HTR4: variants seen among roughly 807,000 people sequenced by gnomAD.
HTR4 encodes 5-hydroxytryptamine receptor 4.
A neutral mutation model predicts 36.8 loss-of-function variants in HTR4; 16 were observed. The observed-to-expected ratio is 0.43, with a 90% CI of 0.29 to 0.66. The LOEUF is 0.66. HTR4 is among the 30% of genes least tolerant of loss of function. The probability of loss-of-function intolerance (pLI) is 0.13; values close to 1 mark genes in which losing one functional copy is unlikely to be tolerated. For synonymous variants in HTR4, 189 were observed against 185.1 expected (o/e 1.02, Z -0.17); for missense variants, 438 against 490.9 (o/e 0.89, Z 1.02).
At chr5:148,618,790 A>G (rs998290116) in intron 2 of HTR4, among the ~76,000 whole-genome samples, 1 of 152,244 alleles carries the variant, frequency 6.6e-6, no homozygotes, top group African/African-American at 2.4e-5. Context: ...GTCTTCATTC[A>G]AGAAATGGAT....
chr5:148,548,535 A>G (rs1759501183), intron 4 of HTR4, 133 bp downstream of exon 4: 5 of 790,578 alleles, frequency 6.3e-6, no homozygotes, highest in Non-Finnish European at 1.0e-5. Flanking sequence ...GAATGACTGT[A>G]TAACTGAATT....
chr5:148,624,435 G>C (rs1361808062), intron 2 of HTR4, among the ~76,000 whole-genome samples: 1 of 152,154 alleles, frequency 6.6e-6, no homozygotes, highest in Non-Finnish European at 1.5e-5. Context: ...GTGAAGAGTT[G>C]AGCTCAGCAC....
chr5:148,651,886 T>A (rs1316987101), intron 1 of HTR4, among the ~76,000 whole-genome samples: 2 of 152,098 alleles, frequency 1.3e-5, no homozygotes, highest in South Asian at 2.1e-4. Flanking sequence ...AGAACATCAG[T>A]GGCAATCAGA....
intron 2 of HTR4, among the ~76,000 whole-genome samples, chr5:148,561,787 G>T (rs1760224454): frequency 6.6e-6 from 1 of 152,070 alleles, no homozygotes; most frequent in Non-Finnish European, 1.5e-5. Context: ...AAAAAATGTG[G>T]ACCACATATG....
intron 6 of HTR4, among the ~76,000 whole-genome samples, chr5:148,494,986 C>A (rs1427546898): frequency 3.9e-5 from 6 of 152,132 alleles, no homozygotes; most frequent in Non-Finnish European, 8.8e-5. Flanking sequence ...AGCCAAGAAC[C>A]AAGTTAGATA....
chr5:148,560,352 T>C (rs970260751), intron 2 of HTR4, among the ~76,000 whole-genome samples: 1 of 152,158 alleles, frequency 6.6e-6, no homozygotes, highest in South Asian at 2.1e-4. Context: ...CACAGACTGC[T>C]GAACCCACCC....
At chr5:148,616,080 G>A (rs1010772549) in intron 2 of HTR4, among the ~76,000 whole-genome samples, 5 of 152,162 alleles carry the variant, frequency 3.3e-5, no homozygotes, top group South Asian at 4.1e-4. Context: ...CAAGGGCCAC[G>A]TATTAGCTCA....
chr5:148,523,108 C>T, intron 5 of HTR4, 85 bp downstream of exon 5: 1 of 1,239,328 alleles, frequency 8.1e-7, no homozygotes, highest in Non-Finnish European at 1.1e-6. Context: ...TCTTAGAATA[C>T]TCAATCTAAT....
chr5:148,460,647 G>A (rs1301583480), intron 5 of HTR4, among the ~76,000 whole-genome samples: 1 of 152,032 alleles, frequency 6.6e-6, no homozygotes, highest in East Asian at 1.9e-4. Context: ...AATCTTCACA[G>A]ACATTATTTA....
rs767880023 is a variant in HTR4, at chr5:148,484,281, G to T, written c.1077-988C>A. On this transcript the variant is annotated intron_variant, in intron 6 of 6. Transcript: ENST00000377888. ...TTACCCCAAGACAGGCTTCCTTGCA[G>T]TCAAACATCTAATGCTCAATGTGCC... The T allele has an allele frequency of 4.3e-6, 7 of 1,613,616 alleles. No homozygotes were observed. In the Admixed American group the frequency reaches 8.3e-5, roughly 19 times the overall value.
intron 2 of HTR4, among the ~76,000 whole-genome samples, chr5:148,612,143 C>A (rs1207471453): frequency 6.6e-6 from 1 of 152,090 alleles, no homozygotes; most frequent in African/African-American, 2.4e-5. Flanking sequence ...AACAAGGATA[C>A]CCAGGAATTA....
At chr5:148,502,024 C>T (rs1383268305) in intron 6 of HTR4, among the ~76,000 whole-genome samples, 1 of 151,198 alleles carries the variant, frequency 6.6e-6, no homozygotes, top group African/African-American at 2.4e-5. Flanking sequence ...CACACCATTG[C>T]ACTCCAGCCT....
chr5:148,608,597 T>C (rs1490740108), intron 2 of HTR4, among the ~76,000 whole-genome samples: 1 of 152,180 alleles, frequency 6.6e-6, no homozygotes, highest in Admixed American at 6.5e-5. Flanking sequence ...TGTTAAAAAG[T>C]CTGGATTTTA....
intron 6 of HTR4, among the ~76,000 whole-genome samples, chr5:148,498,530 A>G (rs564593580): frequency 6.6e-6 from 1 of 152,316 alleles, no homozygotes; most frequent in South Asian, 2.1e-4. Flanking sequence ...TAGAGACTAT[A>G]CAGTTCCTAG....
intron 2 of HTR4, among the ~76,000 whole-genome samples, chr5:148,617,640 T>A (rs904339645): frequency 1.3e-5 from 2 of 151,970 alleles, no homozygotes; most frequent in Admixed American, 1.3e-4. Flanking sequence ...AGCTAATTTT[T>A]GTATTTTTAG....
intron 2 of HTR4, among the ~76,000 whole-genome samples, chr5:148,557,739 G>T (rs1760018878): frequency 6.7e-6 from 1 of 148,988 alleles, no homozygotes; most frequent in Non-Finnish European, 1.5e-5. Flanking sequence ...CATTTCAAGT[G>T]AATATATGTA....
At chr5:148,548,185 G>GAGTTACACACTTTTTCTGGAAAA in intron 4 of HTR4, among the ~76,000 whole-genome samples, 1 of 152,268 alleles carries the variant, frequency 6.6e-6, no homozygotes. Context: ...TTCTGGAAAA[G>GAGTTACACACTTTTTCTGGAAAA]AGTCTCCACA....
intron 2 of HTR4, among the ~76,000 whole-genome samples, chr5:148,558,715 C>G (rs1000362274): frequency 3.9e-5 from 6 of 152,132 alleles, no homozygotes; most frequent in Admixed American, 1.3e-4. Flanking sequence ...CCCTTCCCCC[C>G]ACTCTATTTC....
At chr5:148,527,270 A>C (rs1448912803) in intron 4 of HTR4, among the ~76,000 whole-genome samples, 5 of 152,262 alleles carry the variant, frequency 3.3e-5, no homozygotes. Context: ...TTTGATTTCC[A>C]TAAATGGATG....
Sources: gnomAD v4.1 joint callset for allele counts (sites outside exome capture counted in the v4.1 genomes callset) on GRCh38, gnomAD v4.1.1 for gene constraint, MANE v1.5 for transcripts, NCBI Gene and HGNC (gene_info 2026-07-23, HGNC 2026-07-21) for gene names.